The following AMN1 variants were observed in gnomAD, a reference collection of about 807,000 sequenced individuals.
AMN1 encodes the protein protein AMN1 homolog.
AMN1 carries 20 observed loss-of-function variants against 33.0 expected under a neutral mutation model. The ratio of observed to expected loss-of-function variants is 0.61; its 90% CI spans 0.43 to 0.88. The LOEUF is 0.88. Among genes scored for constraint, AMN1 ranks in the 40% least tolerant of loss-of-function variants. AMN1 has a pLI of 0.00. For missense variants in AMN1, 246 were observed against 307.4 expected (o/e 0.80, Z 1.49); for synonymous variants, 114 against 111.9 (o/e 1.02, Z -0.12).
intron 6 of AMN1, chr12:31,672,585 ATTAC>A (rs1951303132): frequency 2.4e-6 from 1 of 419,682 alleles, no homozygotes; most frequent in African/African-American, 2.0e-5. Flanking sequence ...CTATCATGGT[ATTAC>A]TTGTTTAAAA....
chr12:31,726,353 GT>G (rs1252055893), intron 1 of AMN1, among the ~76,000 whole-genome samples: 3 of 151,996 alleles, frequency 2.0e-5, no homozygotes, highest in African/African-American at 4.8e-5. Flanking sequence ...TAGAGACAGG[GT>G]TTCTCCATGT....
intron 1 of AMN1, among the ~76,000 whole-genome samples, chr12:31,712,109 C>T (rs1356656794): frequency 1.4e-5 from 2 of 145,826 alleles, no homozygotes; most frequent in African/African-American, 5.0e-5. Context: ...TGGGGTCTTG[C>T]TCTGTTGCCT....
At chr12:31,723,731 A>T (rs949714978) in intron 1 of AMN1, among the ~76,000 whole-genome samples, 1 of 152,294 alleles carries the variant, frequency 6.6e-6, no homozygotes, top group Admixed American at 6.5e-5. Flanking sequence ...TGTGTTCTAC[A>T]ATGGCAGAGC....
At chr12:31,678,059 C>A (rs1393638872) in intron 6 of AMN1, among the ~76,000 whole-genome samples, 3 of 152,182 alleles carry the variant, frequency 2.0e-5, no homozygotes, top group Non-Finnish European at 4.4e-5. Context: ...CTTTTCCAGT[C>A]ACATCTCTAC....
At chr12:31,712,214 C>T (rs1179640452) in intron 1 of AMN1, among the ~76,000 whole-genome samples, 1 of 152,062 alleles carries the variant, frequency 6.6e-6, no homozygotes, top group Non-Finnish European at 1.5e-5. Flanking sequence ...GGCATGCTTA[C>T]CACACTTGAC....
At position 31,685,849 on chromosome 12, in the gene AMN1, GTTA is replaced by G. The variant is rs1182711610; in HGVS notation, c.703+3155_703+3157del. 2.0e-5 allele frequency among the ~76,000 whole-genome samples: 3 copies of G among 148,206 alleles called. No individual in the cohort carries two copies. The Admixed American group carries it at 2.0e-4, about 10-fold the overall frequency. ...AAAAAAGGAATGCTCAACCGCATTT[GTTA>G]TTATTTTTTTTTTTTTGGAAACGGA... On this transcript the variant is annotated intron_variant, in intron 6 of 6. Coordinates refer to ENST00000281471, the MANE Select transcript of AMN1 (RefSeq NM_001113402.2).
At chr12:31,727,065 G>A (rs1200853351) in intron 1 of AMN1, among the ~76,000 whole-genome samples, 1 of 152,054 alleles carries the variant, frequency 6.6e-6, no homozygotes, top group African/African-American at 2.4e-5. Context: ...ATGTTGCCTA[G>A]ACTGGTCTCC....
chr12:31,702,002 TA>T lies in AMN1; in HGVS notation c.176del (p.Leu59TyrfsTer8). 1 of 1,592,506 alleles carries T rather than the reference TA, an allele frequency of 6.3e-7. No individual in the cohort carries two copies. The highest frequency in any genetic ancestry group is 1.2e-5 in the South Asian group (1 of 85,860). On this transcript the variant is annotated frameshift_variant, in exon 3 of 7. Coordinates refer to ENST00000281471, the MANE Select transcript of AMN1 (RefSeq NM_001113402.2). LOFTEE classifies it high-confidence loss of function. ...QITDSNISEI[L>X]HPEVQTLDLR... ...GATCTAGAGTTTGGACTTCAGGATGTAAAATCTATAACAAATAAGTGATTTT... is the reference window on the plus strand; with the variant it reads ...GATCTAGAGTTTGGACTTCAGGATGTAAATCTATAACAAATAAGTGATTTT...
At chr12:31,679,292 C>T (rs913881144) in intron 6 of AMN1, among the ~76,000 whole-genome samples, 6 of 151,854 alleles carry the variant, frequency 4.0e-5, no homozygotes, top group South Asian at 4.2e-4. Context: ...TTTGGGAGGC[C>T]GAGGCAGGTG....
chr12:31,688,979 T>G, intron 6 of AMN1, 28 bp downstream of exon 6: 1 of 1,490,504 alleles, frequency 6.7e-7, no homozygotes. Context: ...AAGCCAGAAT[T>G]TGAACCCAAG....
intron 2 of AMN1, among the ~76,000 whole-genome samples, chr12:31,707,377 G>A (rs1849662863): frequency 6.6e-6 from 1 of 152,172 alleles, no homozygotes; most frequent in Non-Finnish European, 1.5e-5. Context: ...TGTATGGAAG[G>A]CTAATGGGAG....
intron 1 of AMN1, among the ~76,000 whole-genome samples, chr12:31,710,125 G>T (rs1001047371): frequency 9.9e-5 from 15 of 152,074 alleles, no homozygotes; most frequent in Non-Finnish European, 1.2e-4. Flanking sequence ...AAACTATGTG[G>T]ATAATGAAAT....
chr12:31,707,863 A>G (rs1404768334), intron 2 of AMN1, among the ~76,000 whole-genome samples: 1 of 152,238 alleles, frequency 6.6e-6, no homozygotes, highest in African/African-American at 2.4e-5. Flanking sequence ...GCCATGGCAG[A>G]GGAACATAAA....
chr12:31,685,152 C>G (rs113553779), intron 6 of AMN1, among the ~76,000 whole-genome samples: 10 of 151,726 alleles, frequency 6.6e-5, no homozygotes, highest in Non-Finnish European at 1.5e-4. Flanking sequence ...CCTCAGCCTC[C>G]CAAGTAGCTG....
intron 1 of AMN1, among the ~76,000 whole-genome samples, chr12:31,721,234 G>A (rs1939868226): frequency 6.6e-6 from 1 of 152,146 alleles, no homozygotes; most frequent in African/African-American, 2.4e-5. Flanking sequence ...AAAATGTAGC[G>A]GTTTCCACTG....
intron 3 of AMN1, among the ~76,000 whole-genome samples, chr12:31,698,898 T>A (rs1261512940): frequency 6.6e-6 from 1 of 152,104 alleles, no homozygotes; most frequent in Non-Finnish European, 1.5e-5. Flanking sequence ...CTTTTGTTAG[T>A]CATAATAAGC....
At chr12:31,701,832 C>A in intron 3 of AMN1, 31 bp downstream of exon 3, 1 of 1,540,000 alleles carries the variant, frequency 6.5e-7, no homozygotes, top group Non-Finnish European at 8.7e-7. Context: ...GAATAGTAAT[C>A]TACCAATGTA....
upstream of AMN1, chr12:31,729,069 G>C: frequency 6.9e-7 from 1 of 1,448,022 alleles, no homozygotes; most frequent in Non-Finnish European, 9.3e-7. Flanking sequence ...GCCAGGGACC[G>C]TCCGCCAACT....
At chr12:31,722,985 TGTCTCTACTA>T (rs1565783690) in intron 1 of AMN1, among the ~76,000 whole-genome samples, 2 of 152,144 alleles carry the variant, frequency 1.3e-5, no homozygotes, top group Admixed American at 1.3e-4. Context: ...GGTGAGACCC[TGTCTCTACTA>T]AAAATACAAA....
Sources: allele counts gnomAD v4.1 joint callset (sites outside exome capture counted in the v4.1 genomes callset), GRCh38; gene constraint gnomAD v4.1.1; transcripts MANE v1.5; gene names NCBI Gene and HGNC (gene_info 2026-07-23, HGNC 2026-07-21).